The following TP53I13 variants were observed in gnomAD, a reference collection of about 807,000 sequenced individuals.
TP53I13 encodes tumor protein p53-inducible protein 13.
In TP53I13, 27 loss-of-function variants were observed where a neutral mutation model predicts 39.1. The ratio of observed to expected loss-of-function variants is 0.69; its 90% CI spans 0.51 to 0.95. The LOEUF (loss-of-function observed/expected upper bound fraction) is 0.95. TP53I13 is among the 40% of genes least tolerant of loss of function. The pLI is 0.00. For synonymous variants in TP53I13, 230 were observed against 224.6 expected, an observed-to-expected ratio of 1.02 and a Z score of -0.22; for missense variants, 544 against 520.4, an observed-to-expected ratio of 1.05 and a Z score of -0.44.
Position 29,572,323 on chromosome 17 carries a change from C to T in TP53I13, c.695C>T (p.Ala232Val). 1 of 1,612,496 alleles carries T rather than the reference C, an allele frequency of 6.2e-7. No individual in the cohort carries two copies. Among genetic ancestry groups the T allele is most frequent in the South Asian group, 1.1e-5 (1 of 91,060 alleles). ...TCTGCTTCCCCAGGGAGCTTGAAGG[C>T]CAAGCAGTCCATGGCGGGAATCCCT... Reference protein sequence around the residue: ...FPSASPGSLKAKQSMAGIPGR... With the variant: ...FPSASPGSLKVKQSMAGIPGR... Residue 232 changes from alanine (A) to valine (V), a missense_variant, in exon 6 of 7, where the codon GCC (alanine) becomes GTC (valine). Coordinates refer to ENST00000301057, the MANE Select transcript of TP53I13 (RefSeq NM_138349.4).
Position 29,572,825 on chromosome 17 carries a change from G to C in TP53I13, c.1083G>C (p.Arg361=). The C allele has an allele frequency of 6.5e-7, 1 of 1,532,004 alleles. No individual in the cohort carries two copies. Among genetic ancestry groups the C allele is most frequent in the Admixed American group, 2.0e-5 (1 of 50,632 alleles). The allele number at this position is 1,532,004 out of a possible 1,614,324, so 94.9% of individuals were successfully genotyped here. The change falls in exon 7 of 7, where the codon CGG becomes CGC. Residue 361 remains arginine (R), a synonymous_variant. Transcript: ENST00000301057. ...SQDTVAAVLK[R]RLLQPSRRVK... Reference sequence around the variant, plus strand: ...CCCGGCCCACAGCTGTGCTGAAGCGGAGGCTGCTGCAGCCCTCGCGCCGGG... The same window carrying C: ...CCCGGCCCACAGCTGTGCTGAAGCGCAGGCTGCTGCAGCCCTCGCGCCGGG...
At chr17:29,575,492 CAG>C, downstream of TP53I13, 4 of 1,592,648 alleles carry the variant, frequency 2.5e-6, no homozygotes, top group South Asian at 3.4e-5. The surrounding 1 kb of genome is among the most constrained non-coding windows in gnomAD (Gnocchi z 5.5). Context: ...GTCCAGAAAA[CAG>C]AGACAAAGAT....
rs753386528 is a variant in TP53I13, at chr17:29,568,723, C to T, written c.-36C>T. 16 of 1,388,728 alleles carry T rather than the reference C, an allele frequency of 1.2e-5. No individual in the cohort carries two copies. Among genetic ancestry groups the T allele is most frequent in the Admixed American group, 9.6e-5 (3 of 31,318 alleles). The allele number at this position is 1,388,728 out of a possible 1,614,324, so 86.0% of individuals were successfully genotyped here. A position where few individuals can be genotyped will look rare whatever the true frequency, so the allele number is the denominator to read the frequency against. The stretch of plus-strand genomic sequence containing the variant: ...CGCGCGCGCTCCCTCGCTGGCGGAG[C>T]GGCTGGGCGGCGGGCCGGGCCCGGG... On this transcript the variant is annotated 5_prime_UTR_variant, in exon 1 of 7. Coordinates refer to ENST00000301057, the MANE Select transcript of TP53I13 (RefSeq NM_138349.4). The surrounding 1 kb of genome is among the most constrained non-coding windows in gnomAD (Gnocchi z 4.5).
At chr17:29,578,830 TGGCCA>T in the TP53I13 span, 1 of 1,590,538 alleles carries the variant, frequency 6.3e-7, no homozygotes, top group Non-Finnish European at 8.6e-7. Context: ...ACCTGAGAGG[TGGCCA>T]GGCCCATGCC....
chr17:29,581,276 G>A, the TP53I13 span: 2 of 1,274,440 alleles, frequency 1.6e-6, no homozygotes, highest in Non-Finnish European at 2.3e-6. This position sits in a 1 kb window ranked among gnomAD's most constrained non-coding sequence, Gnocchi z 4.8. Context: ...GGGAGCTCTG[G>A]GGGTCAGCCA....
chr17:29,569,242 G>C (rs1168157421), intron 2 of TP53I13, 76 bp from the exon 3 acceptor site: 1 of 1,546,504 alleles, frequency 6.5e-7, no homozygotes, highest in Middle Eastern at 1.7e-4. Context: ...GGCGCTTGGG[G>C]CCTGCCGTCC....
Position 29,571,844 on chromosome 17 carries a change from C to A in TP53I13, c.313-13C>A. On this transcript the variant is annotated splice_polypyrimidine_tract_variant and intron_variant, in intron 4 of 6. Coordinates refer to ENST00000301057, the MANE Select transcript of TP53I13 (RefSeq NM_138349.4). Reference sequence around the variant, plus strand: ...ACCTTCCTCGTAGCTCTAACAGTTACCTCCTCTCGTAGCCCCTGGTGCTGA... The same window carrying A: ...ACCTTCCTCGTAGCTCTAACAGTTAACTCCTCTCGTAGCCCCTGGTGCTGA... 2 of 1,613,264 alleles carry A rather than the reference C, an allele frequency of 1.2e-6. No individual in the cohort carries two copies. Among genetic ancestry groups the A allele is most frequent in the East Asian group, 2.2e-5 (1 of 44,872 alleles).
In TP53I13 at chr17:29,572,428, C is replaced by A; in HGVS notation, c.800C>A (p.Thr267Lys). ...CCTGGAGGCAATGCCAGCTCCAGGA[C>A]AGAGGCTCAGGTGCCCAACGGGCAA... ...GAPGGNASSR[T>K]EAQVPNGQGS... Residue 267 changes from threonine to lysine, a missense_variant, in exon 6 of 7, where the codon ACA becomes AAA. Physicochemically the swap from Thr to Lys is moderately conservative, Grantham distance 78. Coordinates refer to ENST00000301057, the MANE Select transcript of TP53I13 (RefSeq NM_138349.4). The A allele has an allele frequency of 6.3e-7, 1 of 1,584,798 alleles. No homozygotes were observed. The highest frequency in any genetic ancestry group is 1.7e-5 in the Admixed American group (1 of 58,240).
chr17:29,569,242 G>T lies in TP53I13; in HGVS notation c.142-76G>T, dbSNP rs1168157421. ...TCTCCATCCCAGCCTGGCGCTTGGG[G>T]CCTGCCGTCCCCTCCCCACCACACA... On this transcript the variant is annotated intron_variant, in intron 2 of 6. Coordinates refer to ENST00000301057, the MANE Select transcript of TP53I13 (RefSeq NM_138349.4). 3 of 1,546,386 alleles carry T rather than the reference G, an allele frequency of 1.9e-6. No individual in the cohort carries two copies. The East Asian group carries it at 6.8e-5, about 35-fold the overall frequency.
Position 29,568,764 on chromosome 17 carries a change from G to C in TP53I13, c.6G>C (p.Ala2=), listed in dbSNP as rs753536659. The C allele has an allele frequency of 1.6e-5, 25 of 1,584,054 alleles. No homozygotes were observed. In the African/African-American group the frequency reaches 2.6e-4, roughly 16 times the overall value. The part of the protein sequence containing the change: M[A]PPPPSPQLLL... ...CGGGCCCGGGGCCGCTTGGAATGGC[G>C]CCTCCTCCGCCTTCGCCCCAACTGC... Residue 2 remains alanine, a synonymous_variant, in exon 1 of 7, where the codon GCG becomes GCC. Coordinates refer to ENST00000301057, the MANE Select transcript of TP53I13 (RefSeq NM_138349.4). The surrounding 1 kb of genome is among the most constrained non-coding windows in gnomAD (Gnocchi z 4.5).
downstream of TP53I13, chr17:29,577,033 C>T (rs1163802622): frequency 5.0e-6 from 8 of 1,605,950 alleles, no homozygotes; most frequent in Non-Finnish European, 5.9e-6. Flanking sequence ...CCACACTCCA[C>T]CACACAACCC....
At chr17:29,581,487 G>A in the TP53I13 span, 3 of 939,878 alleles carry the variant, frequency 3.2e-6, no homozygotes, top group Non-Finnish European at 5.2e-6. This position sits in a 1 kb window ranked among gnomAD's most constrained non-coding sequence, Gnocchi z 4.8. Flanking sequence ...AAGTGTCAGG[G>A]GAAAGTGGGG....
upstream of TP53I13, chr17:29,567,184 G>C (rs1482934892): frequency 5.0e-6 from 1 of 200,126 alleles, no homozygotes; most frequent in Non-Finnish European, 9.5e-6. This position sits in a 1 kb window ranked among gnomAD's most constrained non-coding sequence, Gnocchi z 6.6. Context: ...TACAGCAATT[G>C]CAACAAGTGG....
At chr17:29,580,532 G>C in the TP53I13 span, among the ~76,000 whole-genome samples, 1 of 152,198 alleles carries the variant, frequency 6.6e-6, no homozygotes, top group Non-Finnish European at 1.5e-5. Context: ...TGAGTGGCAG[G>C]GGGTGTCCCA....
chr17:29,569,145 C>G (rs917383032), intron 2 of TP53I13, 59 bp downstream of exon 2: 2 of 1,530,338 alleles, frequency 1.3e-6, no homozygotes, highest in African/African-American at 1.4e-5. Flanking sequence ...CAGTCCCGCT[C>G]TGTTCTCGCC....
intron 2 of TP53I13, 55 bp downstream of exon 2, chr17:29,569,141 C>G: frequency 6.5e-7 from 1 of 1,538,548 alleles, no homozygotes; most frequent in Non-Finnish European, 8.8e-7. Context: ...AGCCCAGTCC[C>G]GCTCTGTTCT....
At position 29,572,859 on chromosome 17, in the gene TP53I13, T is replaced by G; in HGVS notation, c.1117T>G (p.Ser373Ala). The change falls in exon 7 of 7, where the codon TCG (serine) becomes GCG (alanine). Residue 373 changes from serine (S) to alanine (A), a missense_variant. Transcript: ENST00000301057. Reference protein sequence around the residue: ...LLQPSRRVKRSRRRPLLPPTP... With the variant: ...LLQPSRRVKRARRRPLLPPTP... ...GCAGCCCTCGCGCCGGGTCAAGCGC[T>G]CGCGCCGGAGACCCCTCCTCCCGCC... 6.6e-7 allele frequency: 1 copy of G among 1,523,684 alleles called. No homozygotes were observed. The highest frequency in any genetic ancestry group is 8.8e-7 in the Non-Finnish European group (1 of 1,142,540). The allele number at this position is 1,523,684 out of a possible 1,614,324, so 94.4% of individuals were successfully genotyped here.
upstream of TP53I13, chr17:29,566,592 C>T: frequency 6.2e-7 from 1 of 1,608,180 alleles, no homozygotes; most frequent in Non-Finnish European, 8.5e-7. Flanking sequence ...ACTGCAGGTA[C>T]TCCCGGGCCA....
chr17:29,575,860 A>G (rs1370446447), downstream of TP53I13: 4 of 1,611,686 alleles, frequency 2.5e-6, no homozygotes, highest in Admixed American at 1.7e-5. This position sits in a 1 kb window ranked among gnomAD's most constrained non-coding sequence, Gnocchi z 5.5. Context: ...GGGAGGAGGG[A>G]GTGAAGGGCA....
Sources: gnomAD v4.1 joint callset for allele counts (sites outside exome capture counted in the v4.1 genomes callset) on GRCh38, gnomAD v4.1.1 for gene constraint, Gnocchi (gnomAD v3.1) non-coding constraint, MANE v1.5 for transcripts, NCBI Gene and HGNC (gene_info 2026-07-23, HGNC 2026-07-21) for gene names.